CCDC102B: variants seen among roughly 807,000 people sequenced by gnomAD.
CCDC102B encodes the protein coiled-coil domain containing 102B, also known as coiled-coil domain-containing protein 102B.
In CCDC102B, 75 loss-of-function variants were observed where a neutral mutation model predicts 57.4. The ratio of observed to expected loss-of-function variants is 1.31; its 90% confidence interval spans 1.08 to 1.58. CCDC102B has a LOEUF of 1.58. CCDC102B is among the 40% of genes most tolerant of loss of function. The pLI is 0.00. For synonymous variants in CCDC102B, 206 were observed against 201.9 expected, an observed-to-expected ratio of 1.02 and a Z score of -0.17; for missense variants, 636 against 582.6, an observed-to-expected ratio of 1.09 and a Z score of -0.94.
At chr18:68,886,093 G>A (rs867794636) in intron 5 of CCDC102B, among the ~76,000 whole-genome samples, 3 of 151,660 alleles carry the variant, frequency 2.0e-5, no homozygotes, top group Admixed American at 2.0e-4. Flanking sequence ...ACACGTGGCC[G>A]GGGGCAGTGG....
intron 2 of CCDC102B, among the ~76,000 whole-genome samples, chr18:68,789,093 T>C: frequency 6.6e-6 from 1 of 152,186 alleles, no homozygotes; most frequent in African/African-American, 2.4e-5. Context: ...TTATGAAGCT[T>C]AGTTTGGCTG....
rs2052790090 is a variant in CCDC102B, at chr18:69,054,900, TG to T, written c.*766del. 1 of 985,224 alleles carries T rather than the reference TG, an allele frequency of 1.0e-6. No homozygotes were observed. Among genetic ancestry groups the T allele is most frequent in the African/African-American group, 1.7e-5 (1 of 57,242 alleles). 61.0% of individuals were successfully genotyped at this position (985,224 alleles called of 1,614,324 possible). ...TAAGCTGTGGTTTCCCTCTGAGTAG[TG>T]GGAATAGAGAAAATTAGGAAATTGT... On this transcript the variant is annotated 3_prime_UTR_variant, in exon 8 of 8. Coordinates refer to ENST00000360242, the MANE Select transcript of CCDC102B (RefSeq NM_024781.3).
chr18:69,049,967 G>A (rs1395621049), intron 7 of CCDC102B, among the ~76,000 whole-genome samples: 5 of 152,020 alleles, frequency 3.3e-5, no homozygotes, highest in African/African-American at 1.2e-4. Context: ...CCGCCACCAT[G>A]CCCGGCTAAT....
At chr18:68,857,299 A>ATT in intron 4 of CCDC102B, among the ~76,000 whole-genome samples, 1 of 51,554 alleles carries the variant, frequency 1.9e-5, no homozygotes, top group Non-Finnish European at 3.8e-5. Flanking sequence ...TATATTATAT[A>ATT]TATAATATAT....
chr18:68,941,239 T>C (rs1016396692), intron 6 of CCDC102B, among the ~76,000 whole-genome samples: 1 of 141,580 alleles, frequency 7.1e-6, no homozygotes, highest in African/African-American at 2.5e-5. Flanking sequence ...AAAAAAGAAA[T>C]TTATAACTAT....
chr18:68,770,517 C>T (rs548336670), intron 2 of CCDC102B, among the ~76,000 whole-genome samples: 60 of 152,266 alleles, frequency 3.9e-4, no homozygotes, highest in African/African-American at 1.3e-3. Flanking sequence ...GCTTCCATGA[C>T]GCCAAGGCAA....
Position 69,022,193 on chromosome 18 carries a change from C to CTATATATATA in CCDC102B, c.1434+11110_1434+11119dup, listed in dbSNP as rs57226048. 2.4e-3 allele frequency among the ~76,000 whole-genome samples: 342 copies of CTATATATATA among 141,990 alleles called. 7 individuals are homozygous for CTATATATATA. The highest frequency in any genetic ancestry group is 9.5e-3 in the African/African-American group (330 of 34,916). 93.2% of individuals were successfully genotyped at this position (141,990 alleles called of 152,430 possible). On this transcript the variant is annotated intron_variant, in intron 7 of 7. Coordinates refer to ENST00000360242, the MANE Select transcript of CCDC102B (RefSeq NM_024781.3). Reference sequence around the variant, plus strand: ...TTTATTAGACCCATTATCCTTTAGCCTATATATATATATATATATATATAT... The same window carrying CTATATATATA: ...TTTATTAGACCCATTATCCTTTAGCCTATATATATATATATATATATATATATATATATAT...
chr18:69,000,521 A>T (rs1013551719), intron 6 of CCDC102B, among the ~76,000 whole-genome samples: 1 of 152,194 alleles, frequency 6.6e-6, no homozygotes. Context: ...CCTTAGTCCC[A>T]GAGATAAATA....
chr18:68,975,950 A>G (rs943611438), intron 6 of CCDC102B, among the ~76,000 whole-genome samples: 3 of 151,936 alleles, frequency 2.0e-5, no homozygotes, highest in Non-Finnish European at 4.4e-5. Context: ...CTTTATTAGT[A>G]CGGACAGCAA....
At position 68,844,020 on chromosome 18, in the gene CCDC102B, G is replaced by A. The variant is rs534014581; in HGVS notation, c.828-2293G>A. Among the ~76,000 whole-genome samples, 606 of 151,900 alleles carry A rather than the reference G, an allele frequency of 4.0e-3. 9 individuals are homozygous for A. Among genetic ancestry groups the A allele is most frequent in the African/African-American group, 0.013 (553 of 41,502 alleles). ...GTCATTAAATAATTTTTAATGAATT[G>A]CTTGTTTTCTCACTCCCCTAACCAA... On this transcript the variant is annotated intron_variant, in intron 3 of 7. Coordinates refer to ENST00000360242, the MANE Select transcript of CCDC102B (RefSeq NM_024781.3).
At chr18:68,791,289 G>A (rs1435097498) in intron 2 of CCDC102B, among the ~76,000 whole-genome samples, 2 of 152,164 alleles carry the variant, frequency 1.3e-5, no homozygotes, top group South Asian at 2.1e-4. Flanking sequence ...TCCTTAGTGA[G>A]GTCAAGTTGA....
At chr18:68,994,692 C>T (rs544120253) in intron 6 of CCDC102B, among the ~76,000 whole-genome samples, 1 of 152,336 alleles carries the variant, frequency 6.6e-6, no homozygotes, top group South Asian at 2.1e-4. Flanking sequence ...TTTGCTTCCC[C>T]TTCACCTTCT....
At chr18:68,809,700 T>A (rs563556309) in intron 1 of CCDC102B, among the ~76,000 whole-genome samples, 1 of 152,318 alleles carries the variant, frequency 6.6e-6, no homozygotes, top group South Asian at 2.1e-4. Context: ...CTGGTACATC[T>A]TCAATGCCTA....
At chr18:68,973,918 C>T (rs1289963448) in intron 6 of CCDC102B, among the ~76,000 whole-genome samples, 2 of 151,904 alleles carry the variant, frequency 1.3e-5, no homozygotes, top group Admixed American at 6.6e-5. Flanking sequence ...CTGCAAAATC[C>T]ACAACATCCC....
At chr18:69,029,234 T>C (rs1347699815) in intron 7 of CCDC102B, among the ~76,000 whole-genome samples, 1 of 152,206 alleles carries the variant, frequency 6.6e-6, no homozygotes, top group Non-Finnish European at 1.5e-5. Context: ...ATGTATTATC[T>C]CTTTCATTAG....
At chr18:68,778,039 T>C (rs677592) in intron 2 of CCDC102B, among the ~76,000 whole-genome samples, 11,012 of 152,130 alleles carry the variant, frequency 0.072, 768 homozygotes, top group African/African-American at 0.18. Context: ...TGAGGTAACA[T>C]TTTCAGGCAA....
chr18:68,951,296 A>G (rs1381153725), intron 6 of CCDC102B, among the ~76,000 whole-genome samples: 1 of 152,188 alleles, frequency 6.6e-6, no homozygotes, highest in African/African-American at 2.4e-5. Flanking sequence ...CTATTTGAAG[A>G]TTCCGAGTCC....
chr18:68,904,689 G>GCA (rs144065830), intron 6 of CCDC102B, among the ~76,000 whole-genome samples: 400 of 149,886 alleles, frequency 2.7e-3, no homozygotes, highest in Non-Finnish European at 3.7e-3. Context: ...TCAAATGCAT[G>GCA]CACACACACA....
At chr18:68,805,628 G>T (rs1013935233) in intron 1 of CCDC102B, among the ~76,000 whole-genome samples, 1 of 152,134 alleles carries the variant, frequency 6.6e-6, no homozygotes, top group African/African-American at 2.4e-5. Flanking sequence ...GAGTTATGGG[G>T]ACAATAGTAA....
Sources: gnomAD v4.1 joint callset for allele counts (sites outside exome capture counted in the v4.1 genomes callset) on GRCh38, gnomAD v4.1.1 for gene constraint, MANE v1.5 for transcripts, NCBI Gene and HGNC (gene_info 2026-07-23, HGNC 2026-07-21) for gene names.